TTC7B: variants seen among roughly 807,000 people sequenced by gnomAD.
TTC7B encodes tetratricopeptide repeat protein 7B.
In TTC7B, 28 loss-of-function variants were observed where a neutral mutation model predicts 106.8. That is an observed-to-expected ratio of 0.26 (90% CI 0.19 to 0.36). The LOEUF (loss-of-function observed/expected upper bound fraction) is 0.36. Among genes scored for constraint, TTC7B ranks in the 10% least tolerant of loss-of-function variants. The pLI is 1.00. For missense variants in TTC7B, 862 were observed against 1,076.4 expected (o/e 0.80, Z 2.79); for synonymous variants, 405 against 430.6 (o/e 0.94, Z 0.74).
At chr14:90,590,550 T>C (rs1040205283) in intron 18 of TTC7B, among the ~76,000 whole-genome samples, 3 of 152,212 alleles carry the variant, frequency 2.0e-5, no homozygotes, top group Non-Finnish European at 4.4e-5. Flanking sequence ...ACAAAACTTA[T>C]GGGCTCTGGC....
In TTC7B at chr14:90,578,387, T is replaced by C. The variant is rs1392843601; in HGVS notation, c.2108-79A>G. On this transcript the variant is annotated intron_variant, in intron 18 of 19. Coordinates refer to ENST00000328459, the MANE Select transcript of TTC7B (RefSeq NM_001010854.2). The surrounding 1 kb of genome is among the most constrained non-coding windows in gnomAD (Gnocchi z 4.7). ...CGAGCAGCCACCACTCTGATGTTCG[T>C]GTTCCCTGCACGGGAGTCTGGCGGG... 6.8e-6 allele frequency: 10 copies of C among 1,463,320 alleles called. No individual in the cohort carries two copies. The highest frequency in any genetic ancestry group is 8.5e-6 in the Non-Finnish European group (9 of 1,063,928). The allele number at this position is 1,463,320 out of a possible 1,614,324, so 90.6% of individuals were successfully genotyped here.
intron 4 of TTC7B, among the ~76,000 whole-genome samples, chr14:90,744,180 C>T (rs557271450): frequency 6.6e-6 from 1 of 152,306 alleles, no homozygotes; most frequent in South Asian, 2.1e-4. Flanking sequence ...AAGCTCAACC[C>T]ATTTTATTAG....
chr14:90,556,468 T>C (rs904234126), intron 19 of TTC7B, among the ~76,000 whole-genome samples: 2 of 152,148 alleles, frequency 1.3e-5, no homozygotes, highest in African/African-American at 4.8e-5. Context: ...CTGTGGGTGC[T>C]AACACAGCCC....
At chr14:90,617,859 A>G (rs1376004587) in intron 16 of TTC7B, 70 bp downstream of exon 16, 6 of 1,235,724 alleles carry the variant, frequency 4.9e-6, no homozygotes, top group African/African-American at 1.5e-5. Context: ...CTAAATGCCA[A>G]TCAGAGAAGG....
intron 1 of TTC7B, among the ~76,000 whole-genome samples, chr14:90,791,746 CAAGCTGG>C: frequency 6.6e-6 from 1 of 152,238 alleles, no homozygotes; most frequent in East Asian, 1.9e-4. Flanking sequence ...TCTGAGACCA[CAAGCTGG>C]AAGCCACCTA....
chr14:90,551,361 G>A (rs1890073340), intron 19 of TTC7B, among the ~76,000 whole-genome samples: 1 of 152,152 alleles, frequency 6.6e-6, no homozygotes. Context: ...TATGTCCATG[G>A]TAGACCAGGC....
chr14:90,562,230 C>G (rs1041487101), intron 19 of TTC7B, among the ~76,000 whole-genome samples: 4 of 152,162 alleles, frequency 2.6e-5, no homozygotes, highest in African/African-American at 9.7e-5. Context: ...CGTTCAGTAC[C>G]TTCCCCTCCC....
rs555271431 is a variant in TTC7B at position 90,810,432 on chromosome 14, C to T, written c.121+5743G>A. Among the ~76,000 whole-genome samples the T allele has an allele frequency of 1.3e-4, 20 of 152,332 alleles. 1 individual carries two copies. In the South Asian group the frequency reaches 3.3e-3, roughly 25 times the overall value. ...GAAATCAAGCAACCCAACTCCAAGC[C>T]AGGGCTCTTACCCACTGTGCTTGCT... On this transcript the variant is annotated intron_variant, in intron 1 of 19. Transcript: ENST00000328459.
In TTC7B at chr14:90,534,534, C is replaced by T. The variant is rs546838506; in HGVS notation, c.*6834G>A. ...GCCCAAGACACAGTTTACAGAACTT[C>T]AATATGAGTGGTGTCCCCTCACTGG... On this transcript the variant is annotated 3_prime_UTR_variant, in exon 20 of 20. Coordinates refer to ENST00000328459, the MANE Select transcript of TTC7B (RefSeq NM_001010854.2). 2 of 152,508 alleles carry T rather than the reference C, an allele frequency of 1.3e-5. No homozygotes were observed. Among genetic ancestry groups the T allele is most frequent in the South Asian group, 4.1e-4 (2 of 4,832 alleles). The allele number at this position is 152,508 out of a possible 1,614,324, so 9.4% of individuals were successfully genotyped here. A position where few individuals can be genotyped will look rare whatever the true frequency, so the allele number is the denominator to read the frequency against.
intron 16 of TTC7B, among the ~76,000 whole-genome samples, chr14:90,616,897 C>T (rs1160488530): frequency 6.6e-6 from 1 of 152,168 alleles, no homozygotes; most frequent in Non-Finnish European, 1.5e-5. Context: ...GCTGACCAGA[C>T]ACCTTACTAG....
At chr14:90,679,507 G>A (rs78425689) in intron 8 of TTC7B, among the ~76,000 whole-genome samples, 6,085 of 152,270 alleles carry the variant, frequency 0.04, 176 homozygotes, top group Non-Finnish European at 0.06. Flanking sequence ...GGGGGTTGGC[G>A]GTAAGCGGTG....
In TTC7B at chr14:90,652,848, A is replaced by G. The variant is rs764170797; in HGVS notation, c.1510T>C (p.Phe504Leu). The G allele has an allele frequency of 6.2e-7, 1 of 1,614,240 alleles. No individual in the cohort carries two copies. The highest frequency in any genetic ancestry group is 1.1e-5 in the South Asian group (1 of 91,090). Residue 504 changes from phenylalanine (F) to leucine (L), a missense_variant, in exon 13 of 20, where the codon TTT becomes CTT. Transcript: ENST00000328459. Reference protein sequence around the residue: ...EVLQRKALLAFQRAHSLSPTD... With the variant: ...EVLQRKALLALQRAHSLSPTD... ...AGATGAACTCCCACTCACCTCTGAA[A>G]TGCAAGAAGCGCCTTTCTCTGTAGG...
At chr14:90,563,420 C>T (rs191151935) in intron 19 of TTC7B, among the ~76,000 whole-genome samples, 7 of 152,320 alleles carry the variant, frequency 4.6e-5, no homozygotes, top group African/African-American at 1.7e-4. Context: ...AAAACAAGTG[C>T]ATAACTTAAT....
chr14:90,712,020 A>G (rs1888469196), intron 5 of TTC7B, among the ~76,000 whole-genome samples: 1 of 151,898 alleles, frequency 6.6e-6, no homozygotes, highest in Non-Finnish European at 1.5e-5. Flanking sequence ...GAGACACTTT[A>G]ATTCAAAGAC....
intron 3 of TTC7B, among the ~76,000 whole-genome samples, chr14:90,778,678 C>T (rs986522509): frequency 6.6e-6 from 1 of 152,160 alleles, no homozygotes; most frequent in Non-Finnish European, 1.5e-5. Context: ...GGCACAGACC[C>T]CAGCACTCCC....
chr14:90,602,170 T>C (rs1337064895), intron 17 of TTC7B: 2 of 456,030 alleles, frequency 4.4e-6, no homozygotes, highest in Admixed American at 4.7e-5. Context: ...CACCAGCATT[T>C]CCCCAAATGC....
At position 90,578,163 on chromosome 14, in the gene TTC7B, C is replaced by T; in HGVS notation, c.2253G>A (p.Arg751=). ...ELRGSMDEAR[R]WYEEALAISP... ...TGATGGCTAAGGCCTCTTCATACCACCGCCGCGCCTCGTCCATGCTTCCCC... is the reference window on the plus strand; with the variant it reads ...TGATGGCTAAGGCCTCTTCATACCATCGCCGCGCCTCGTCCATGCTTCCCC... The change falls in exon 19 of 20, where the codon CGG becomes CGA. Residue 751 remains arginine (R), a synonymous_variant. Transcript: ENST00000328459. The surrounding 1 kb of genome is among the most constrained non-coding windows in gnomAD (Gnocchi z 4.7). 1 of 1,613,460 alleles carries T rather than the reference C, an allele frequency of 6.2e-7. No individual in the cohort carries two copies. Among genetic ancestry groups the T allele is most frequent in the Non-Finnish European group, 8.5e-7 (1 of 1,179,784 alleles).
At position 90,541,359 on chromosome 14, in the gene TTC7B, G is replaced by A. The variant is rs780319173; in HGVS notation, c.*9C>T. On this transcript the variant is annotated 3_prime_UTR_variant, in exon 20 of 20. Coordinates refer to ENST00000328459, the MANE Select transcript of TTC7B (RefSeq NM_001010854.2). ...GCCTGAGCGGCAGGTGAGGCTGGCAGGCGCCTGCTCAGAGCACGCGGGGGA... is the reference window on the plus strand; with the variant it reads ...GCCTGAGCGGCAGGTGAGGCTGGCAAGCGCCTGCTCAGAGCACGCGGGGGA... 7 of 1,574,250 alleles carry A rather than the reference G, an allele frequency of 4.4e-6. No homozygotes were observed. In the South Asian group the frequency reaches 8.1e-5, roughly 18 times the overall value.
chr14:90,546,819 C>T (rs967007509), intron 19 of TTC7B, among the ~76,000 whole-genome samples: 7 of 152,240 alleles, frequency 4.6e-5, no homozygotes, highest in African/African-American at 1.4e-4. Context: ...TCTCAAAGAG[C>T]TCGGGGTCCA....
Sources: allele counts gnomAD v4.1 joint callset (sites outside exome capture counted in the v4.1 genomes callset), GRCh38; gene constraint gnomAD v4.1.1; non-coding constraint Gnocchi (gnomAD v3.1); transcripts MANE v1.5; gene names NCBI Gene and HGNC (gene_info 2026-07-23, HGNC 2026-07-21).